Variants in GADL1 observed in about 807,000 individuals in gnomAD.
The protein encoded by GADL1 is acidic amino acid decarboxylase GADL1.
GADL1 carries 71 observed loss-of-function variants against 69.5 expected under a neutral mutation model. The observed-to-expected ratio is 1.02, with a 90% CI of 0.84 to 1.25. The LOEUF (loss-of-function observed/expected upper bound fraction) is 1.25, where lower values mean the gene tolerates loss of function less well. GADL1 is among the 50% of genes most tolerant of loss of function. GADL1 has a pLI of 0.00. For synonymous variants in GADL1, 254 were observed against 214.4 expected, an observed-to-expected ratio of 1.18 and a Z score of -1.62; for missense variants, 737 against 631.8, an observed-to-expected ratio of 1.17 and a Z score of -1.79.
At chr3:30,839,513 T>TAAAAAAAAAAAAAA (rs1559357595) in intron 8 of GADL1, among the ~76,000 whole-genome samples, 4 of 43,598 alleles carry the variant, frequency 9.2e-5, no homozygotes, top group African/African-American at 6.1e-4. Flanking sequence ...TGTCATCTTC[T>TAAAAAAAAAAAAAA]CAAAAAAAAA....
chr3:30,800,840 CACACACACACAGAAAGAG>C (rs1225724161), intron 12 of GADL1, 31 bp downstream of exon 12: 8 of 1,265,014 alleles, frequency 6.3e-6, no homozygotes, highest in African/African-American at 5.6e-5. Context: ...CACACACACA[CACACACACACAGAAAGAG>C]AGAGAGAGAG....
chr3:30,735,955 T>A (rs1695536354), intron 14 of GADL1, among the ~76,000 whole-genome samples: 1 of 152,180 alleles, frequency 6.6e-6, no homozygotes, highest in South Asian at 2.1e-4. Context: ...AGATTTCAGT[T>A]GAATTGTGAT....
intron 14 of GADL1, among the ~76,000 whole-genome samples, chr3:30,752,958 T>G (rs1008143954): frequency 1.9e-5 from 1 of 51,360 alleles, no homozygotes; most frequent in African/African-American, 1.1e-4. Flanking sequence ...TTTTTTAACT[T>G]GGTTTTGAAC....
At chr3:30,777,070 T>C (rs1309049817) in intron 14 of GADL1, among the ~76,000 whole-genome samples, 1 of 152,196 alleles carries the variant, frequency 6.6e-6, no homozygotes, top group Non-Finnish European at 1.5e-5. Flanking sequence ...ATTGTCTCTT[T>C]ACTCATTGTC....
intron 12 of GADL1, chr3:30,798,774 G>GC (rs1384927612): frequency 6.6e-6 from 1 of 152,192 alleles, no homozygotes; most frequent in African/African-American, 2.4e-5. Context: ...TCAAAAGCAG[G>GC]CTAGTAACTT....
intron 9 of GADL1, among the ~76,000 whole-genome samples, chr3:30,835,316 G>T (rs1348934601): frequency 6.6e-6 from 1 of 152,066 alleles, no homozygotes; most frequent in African/African-American, 2.4e-5. Context: ...TTCAGGGGTT[G>T]CTTAGGATGT....
rs548472522 is a variant in GADL1, at chr3:30,732,479, C to G, written c.1393-4064G>C. 8.5e-5 allele frequency among the ~76,000 whole-genome samples: 13 copies of G among 152,176 alleles called. No homozygotes were observed. In the East Asian group the frequency reaches 2.5e-3, roughly 29 times the overall value. On this transcript the variant is annotated intron_variant, in intron 14 of 14. Transcript: ENST00000282538. ...TTCTGTGGAATTTGTCTCTCCCTAC[C>G]CCTGAGTTATGTTCCATCAGTGATT...
At chr3:30,852,662 G>A (rs776264494) in intron 4 of GADL1, among the ~76,000 whole-genome samples, 28 of 151,698 alleles carry the variant, frequency 1.8e-4, no homozygotes, top group Non-Finnish European at 3.4e-4. Context: ...AAAGTATTTA[G>A]CCTGTCTTTG....
chr3:30,772,441 A>G (rs1011991582), intron 14 of GADL1, among the ~76,000 whole-genome samples: 2 of 152,228 alleles, frequency 1.3e-5, no homozygotes, highest in African/African-American at 4.8e-5. Context: ...GGAATTTTCA[A>G]TTACATTCTC....
Position 30,850,852 on chromosome 3 carries a change from T to TC in GADL1, c.517dup (p.Asp173GlyfsTer5). 1 of 1,546,254 alleles carries TC rather than the reference T, an allele frequency of 6.5e-7. No homozygotes were observed. Among genetic ancestry groups the TC allele is most frequent in the Non-Finnish European group, 8.8e-7 (1 of 1,142,218 alleles). On this transcript the variant is annotated frameshift_variant, in exon 5 of 15. Coordinates refer to ENST00000282538, the MANE Select transcript of GADL1 (RefSeq NM_207359.3). LOFTEE classifies it high-confidence loss of function. ...GTACTCACCTGGGTTAAATATTCCA[T>TC]CCCCTTCTTTCCAGCCAATAAATTC...
At chr3:30,821,484 G>A (rs1211190582) in intron 11 of GADL1, among the ~76,000 whole-genome samples, 1 of 151,016 alleles carries the variant, frequency 6.6e-6, no homozygotes, top group Non-Finnish European at 1.5e-5. Flanking sequence ...CTAAAACCAT[G>A]TGATGGGTTC....
At chr3:30,865,916 C>T (rs1484815014) in intron 1 of GADL1, among the ~76,000 whole-genome samples, 1 of 152,000 alleles carries the variant, frequency 6.6e-6, no homozygotes, top group Non-Finnish European at 1.5e-5. Flanking sequence ...TTTACCAATT[C>T]CTCCCCTCCA....
chr3:30,839,211 A>T (rs774117761), intron 8 of GADL1, 98 bp from the exon 9 acceptor site: 2 of 754,054 alleles, frequency 2.7e-6, no homozygotes, highest in African/African-American at 3.6e-5. Context: ...CCAGAGAGTT[A>T]TTTGGGTTTT....
chr3:30,844,102 G>C, intron 8 of GADL1, 108 bp downstream of exon 8: 1 of 784,870 alleles, frequency 1.3e-6, no homozygotes, highest in South Asian at 1.7e-5. Flanking sequence ...CATAGAAATG[G>C]TTTTGGCTGT....
chr3:30,806,760 AG>A (rs1559505254), intron 11 of GADL1, among the ~76,000 whole-genome samples: 1 of 152,146 alleles, frequency 6.6e-6, no homozygotes, highest in Non-Finnish European at 1.5e-5. Context: ...GACAGATGAG[AG>A]AACAGAACTA....
intron 4 of GADL1, among the ~76,000 whole-genome samples, chr3:30,852,738 C>G (rs1432655885): frequency 6.6e-6 from 1 of 151,980 alleles, no homozygotes; most frequent in African/African-American, 2.4e-5. Context: ...AGATAGAACA[C>G]ACTCATGGGT....
At chr3:30,807,901 A>G (rs1697283133) in intron 11 of GADL1, among the ~76,000 whole-genome samples, 1 of 152,020 alleles carries the variant, frequency 6.6e-6, no homozygotes, top group African/African-American at 2.4e-5. Context: ...GTATGGTGGC[A>G]CATGACTGTA....
chr3:30,757,264 C>CT (rs763162435), intron 14 of GADL1, among the ~76,000 whole-genome samples: 21 of 148,066 alleles, frequency 1.4e-4, no homozygotes, highest in Non-Finnish European at 2.5e-4. Context: ...CTCAGATCTC[C>CT]TTTTAAATAT....
intron 1 of GADL1, among the ~76,000 whole-genome samples, chr3:30,893,652 G>A (rs144142595): frequency 2.6e-5 from 4 of 152,028 alleles, no homozygotes; most frequent in Admixed American, 6.6e-5. Flanking sequence ...TTAAAAGAGC[G>A]TCAGGACAGT....
Sources: gnomAD v4.1 joint callset for allele counts (sites outside exome capture counted in the v4.1 genomes callset) on GRCh38, gnomAD v4.1.1 for gene constraint, MANE v1.5 for transcripts, NCBI Gene and HGNC (gene_info 2026-07-23, HGNC 2026-07-21) for gene names.